Variants in SLC2A14 observed in about 807,000 individuals in gnomAD.
SLC2A14 encodes solute carrier family 2 member 14.
Under a neutral mutation model 43.0 loss-of-function variants are expected in SLC2A14, and 13 were observed. That is an observed-to-expected ratio of 0.30 (90% CI 0.20 to 0.48). SLC2A14 has a LOEUF of 0.48. Among genes scored for constraint, SLC2A14 ranks in the 20% least tolerant of loss-of-function variants. The probability of loss-of-function intolerance (pLI) is 0.99; values close to 1 mark genes in which losing one functional copy is unlikely to be tolerated. For missense variants in SLC2A14, 428 were observed against 620.4 expected (o/e 0.69, Z 3.29); for synonymous variants, 190 against 233.8 (o/e 0.81, Z 1.71).
At chr12:7,875,536 C>T (rs1398118891), upstream of SLC2A14, among the ~76,000 whole-genome samples, 1 of 151,534 alleles carries the variant, frequency 6.6e-6, no homozygotes. Context: ...AAAATTATTG[C>T]TATGAATTGA....
intron 2 of SLC2A14, among the ~76,000 whole-genome samples, chr12:7,844,547 T>TTC (rs1402559004): frequency 1.3e-5 from 2 of 151,746 alleles, no homozygotes; most frequent in Admixed American, 1.3e-4. Context: ...AAACTCCTTT[T>TTC]TTTTTTTTAG....
intron 2 of SLC2A14, among the ~76,000 whole-genome samples, chr12:7,865,395 G>A (rs990374939): frequency 6.6e-6 from 1 of 151,962 alleles, no homozygotes; most frequent in Non-Finnish European, 1.5e-5. Flanking sequence ...ATATTCGCCG[G>A]GCGTGGTGGC....
intron 1 of SLC2A14, chr12:7,870,746 T>C: frequency 1.7e-6 from 1 of 591,220 alleles, no homozygotes; most frequent in Non-Finnish European, 2.2e-6. Context: ...AAAAAAAACC[T>C]CAGAACTCTT....
chr12:7,853,670 G>A (rs768621561), intron 2 of SLC2A14, among the ~76,000 whole-genome samples: 8 of 152,012 alleles, frequency 5.3e-5, no homozygotes, highest in South Asian at 2.1e-4. Flanking sequence ...TGGCAAATCC[G>A]AGGGATGACA....
intron 1 of SLC2A14, chr12:7,872,021 T>A: frequency 2.1e-6 from 1 of 468,832 alleles, no homozygotes; most frequent in Non-Finnish European, 2.8e-6. Flanking sequence ...TCTGTAAAAT[T>A]AACTCAGATT....
chr12:7,817,739 A>AAAAT (rs1311031606), intron 10 of SLC2A14, 92 bp downstream of exon 10: 2 of 776,748 alleles, frequency 2.6e-6, no homozygotes, highest in African/African-American at 3.9e-5. Flanking sequence ...CAGTCTCAAA[A>AAAAT]ATATATATAT....
At chr12:7,880,908 G>A (rs1234900480) in intron 1 of SLC2A14, among the ~76,000 whole-genome samples, 1 of 151,966 alleles carries the variant, frequency 6.6e-6, no homozygotes, top group Non-Finnish European at 1.5e-5. Context: ...GCCAGGCTGA[G>A]GCGGGTGGAT....
At chr12:7,877,383 A>G (rs1360880377), upstream of SLC2A14, among the ~76,000 whole-genome samples, 1 of 152,068 alleles carries the variant, frequency 6.6e-6, no homozygotes, top group East Asian at 1.9e-4. Context: ...ATCACAGATC[A>G]CTGCAGCGTC....
Position 7,886,341 on chromosome 12 carries a change from AATTTATTT to A in SLC2A14, c.132+4647_132+4654del, listed in dbSNP as rs71038799. Among the ~76,000 whole-genome samples, 1,197 of 140,802 alleles carry A rather than the reference AATTTATTT, an allele frequency of 8.5e-3. 17 individuals are homozygous for A. The highest frequency in any genetic ancestry group is 0.026 in the African/African-American group (1,007 of 38,212). The allele number at this position is 140,802 out of a possible 152,430, so 92.4% of individuals were successfully genotyped here. Reference sequence around the variant, plus strand: ...CTCGCCCAGCTAATTAAATTTTTAAAATTTATTTATTTATTTATTTATTTATTTATTTA... The same window carrying A: ...CTCGCCCAGCTAATTAAATTTTTAAAATTTATTTATTTATTTATTTATTTA... On this transcript the variant is annotated intron_variant, in intron 1 of 9. Coordinates refer to the SLC2A14 transcript ENST00000539924.
intron 2 of SLC2A14, among the ~76,000 whole-genome samples, chr12:7,859,280 C>T (rs940045896): frequency 1.3e-5 from 2 of 152,046 alleles, no homozygotes; most frequent in East Asian, 1.9e-4. Flanking sequence ...ATCCCAGCTA[C>T]TCAGGAGGCT....
chr12:7,843,536 C>T lies in SLC2A14; in HGVS notation c.19-10722G>A, dbSNP rs1045634061. On this transcript the variant is annotated intron_variant, in intron 2 of 10. Transcript: ENST00000431042. ...GGAGAGTGGAAGAAAATGTAAAGAC[C>T]CCCCTCCTCCCCAAAGAGTACGTTG... Among the ~76,000 whole-genome samples the T allele has an allele frequency of 1.2e-4, 8 of 65,066 alleles. No individual in the cohort carries two copies. In the South Asian group the frequency reaches 2.4e-3, roughly 19 times the overall value. 42.7% of individuals were successfully genotyped at this position (65,066 alleles called of 152,430 possible). A position where few individuals can be genotyped will look rare whatever the true frequency, so the allele number is the denominator to read the frequency against.
intron 7 of SLC2A14, among the ~76,000 whole-genome samples, chr12:7,826,758 T>C (rs935013467): frequency 2.0e-5 from 3 of 152,072 alleles, no homozygotes; most frequent in Admixed American, 6.6e-5. Context: ...TGTAAAAACA[T>C]AGAGACTGGT....
At chr12:7,887,659 G>A (rs1321052051) in intron 1 of SLC2A14, among the ~76,000 whole-genome samples, 1 of 152,036 alleles carries the variant, frequency 6.6e-6, no homozygotes, top group East Asian at 1.9e-4. Context: ...CCTGGCCAAA[G>A]GGTAGGTTCA....
chr12:7,841,774 A>G (rs188059957), intron 2 of SLC2A14, among the ~76,000 whole-genome samples: 1,874 of 152,090 alleles, frequency 0.012, 37 homozygotes, highest in African/African-American at 0.042. Context: ...TTGGGAGGCC[A>G]AGGTGGGCAG....
At chr12:7,826,998 C>T (rs1447128183) in intron 7 of SLC2A14, among the ~76,000 whole-genome samples, 1 of 141,328 alleles carries the variant, frequency 7.1e-6, no homozygotes, top group Admixed American at 7.3e-5. Flanking sequence ...CTCTCTTTCT[C>T]TCCTTTCTCT....
At chr12:7,821,412 G>C in intron 7 of SLC2A14, 87 bp from the exon 8 acceptor site, 1 of 1,200,884 alleles carries the variant, frequency 8.3e-7, no homozygotes, top group Non-Finnish European at 1.2e-6. Context: ...GCTGAGCGTG[G>C]TTGCACAGGC....
intron 2 of SLC2A14, among the ~76,000 whole-genome samples, chr12:7,835,276 A>G (rs1188344670): frequency 6.6e-6 from 1 of 152,136 alleles, no homozygotes; most frequent in African/African-American, 2.4e-5. Flanking sequence ...AGTCCCAGCT[A>G]CTCAGGAGAC....
chr12:7,817,982 A>C lies in SLC2A14; in HGVS notation c.1124T>G (p.Val375Gly). The change falls in exon 10 of 11, where the codon GTG (valine) becomes GGG (glycine). Residue 375 changes from valine (V) to glycine (G), a missense_variant. By Grantham distance (109) the Val-to-Gly change is moderately radical. Around this residue, in one of 4 missense-constraint regions of SLC2A14, gnomAD observed 119 missense variants for 188.7 expected, o/e 0.63. Coordinates refer to ENST00000431042, the MANE Select transcript of SLC2A14 (RefSeq NM_001286234.2). ...GCCTGGTCCAATTTCAAAACAGGCC[A>C]CAAAGACCAAGATAGCCCCAATACA... is the stretch of plus-strand genomic sequence containing the variant. ...FVCIGAILVF[V>G]ACFEIGPGPI... The C allele has an allele frequency of 6.2e-7, 1 of 1,614,122 alleles. No individual in the cohort carries two copies. The highest frequency in any genetic ancestry group is 2.2e-5 in the East Asian group (1 of 44,856).
chr12:7,887,497 T>C (rs1945705690), intron 1 of SLC2A14, among the ~76,000 whole-genome samples: 1 of 151,748 alleles, frequency 6.6e-6, no homozygotes. Flanking sequence ...ATTAAACAGG[T>C]GAAAAATGAA....
Sources: allele counts gnomAD v4.1 joint callset (sites outside exome capture counted in the v4.1 genomes callset), GRCh38; gene constraint gnomAD v4.1.1; regional missense constraint gnomAD v4.1.1; transcripts MANE v1.5; gene names NCBI Gene and HGNC (gene_info 2026-07-23, HGNC 2026-07-21).